VDAC3: variants seen among roughly 807,000 people sequenced by gnomAD.
VDAC3 encodes the protein voltage dependent anion channel 3, also known as non-selective voltage-gated ion channel VDAC3.
In VDAC3, 7 loss-of-function variants were observed where a neutral mutation model predicts 33.9. The observed-to-expected ratio is 0.21, with a 90% CI of 0.12 to 0.39. The LOEUF (loss-of-function observed/expected upper bound fraction) is 0.39, where lower values mean the gene tolerates loss of function less well. Among genes scored for constraint, VDAC3 ranks in the 10% least tolerant of loss-of-function variants. The pLI is 1.00. For missense variants in VDAC3, 261 were observed against 334.5 expected, an observed-to-expected ratio of 0.78 and a Z score of 1.71; for synonymous variants, 100 against 122.4, an observed-to-expected ratio of 0.82 and a Z score of 1.21.
intron 8 of VDAC3, among the ~76,000 whole-genome samples, chr8:42,403,742 A>G (rs929640869): frequency 2.0e-5 from 3 of 152,050 alleles, no homozygotes; most frequent in Non-Finnish European, 2.9e-5. Flanking sequence ...TGGGCGTGGT[A>G]GGTGACGCCT....
At position 42,405,604 on chromosome 8, in the gene VDAC3, G is replaced by A; in HGVS notation, c.*142G>A. The A allele has an allele frequency of 1.4e-6, 1 of 692,274 alleles. No homozygotes were observed. Among genetic ancestry groups the A allele is most frequent in the Non-Finnish European group, 2.4e-6 (1 of 411,630 alleles). The allele number at this position is 692,274 out of a possible 1,614,324, so 42.9% of individuals were successfully genotyped here. ...AAAGAATTGTAATCCTCCCCACACT[G>A]AAGTCTAGGGGTTGCGAATCCCTCC... is the stretch of plus-strand genomic sequence containing the variant. On this transcript the variant is annotated 3_prime_UTR_variant, in exon 10 of 10. Transcript: ENST00000022615.
At chr8:42,402,806 A>T (rs1042574554) in intron 7 of VDAC3, among the ~76,000 whole-genome samples, 2 of 152,230 alleles carry the variant, frequency 1.3e-5, no homozygotes, top group Non-Finnish European at 2.9e-5. Flanking sequence ...CACCTCTGGC[A>T]TGCTTGGAAG....
At chr8:42,398,503 C>T (rs751512566) in intron 4 of VDAC3, among the ~76,000 whole-genome samples, 3 of 152,148 alleles carry the variant, frequency 2.0e-5, no homozygotes, top group African/African-American at 7.2e-5. Context: ...GCTGGGATTA[C>T]AGGCATGAGC....
intron 4 of VDAC3, 97 bp downstream of exon 4, chr8:42,395,230 C>A: frequency 6.5e-7 from 1 of 1,534,432 alleles, no homozygotes; most frequent in Non-Finnish European, 8.8e-7. Context: ...CAGCACCATG[C>A]TGTCTTCCCC....
chr8:42,396,685 GA>G (rs770745663), intron 4 of VDAC3: 11 of 688,264 alleles, frequency 1.6e-5, no homozygotes, highest in East Asian at 5.4e-5. Context: ...CAGATGGTAA[GA>G]AAAAAAAGCT....
intron 4 of VDAC3, among the ~76,000 whole-genome samples, 192 bp from the exon 5 acceptor site, chr8:42,398,520 G>A (rs1044864352): frequency 6.6e-6 from 1 of 152,086 alleles, no homozygotes; most frequent in Non-Finnish European, 1.5e-5. Flanking sequence ...GAGCCACTGC[G>A]CCTGGCAGAA....
intron 6 of VDAC3, 94 bp downstream of exon 6, chr8:42,399,797 A>C: frequency 8.4e-7 from 1 of 1,194,668 alleles, no homozygotes; most frequent in Non-Finnish European, 1.2e-6. Flanking sequence ...GTTCAGAGGC[A>C]GGAAGAACTC....
chr8:42,401,853 A>C lies in VDAC3; in HGVS notation c.389A>C (p.Asp130Ala). The C allele has an allele frequency of 1.2e-6, 2 of 1,614,180 alleles. No homozygotes were observed. Among genetic ancestry groups the C allele is most frequent in the Non-Finnish European group, 1.7e-6 (2 of 1,180,042 alleles). Reference protein sequence around the residue: ...RDCFSVGSNVDIDFSGPTIYG... With the variant: ...RDCFSVGSNVAIDFSGPTIYG... ...TGTTTTAGTGTTGGCAGTAATGTTG[A>C]TATAGATTTTTCTGGACCAACCATC... The change falls in exon 7 of 10, where the codon GAT becomes GCT. Residue 130 changes from aspartate to alanine, a missense_variant. Coordinates refer to ENST00000022615, the MANE Select transcript of VDAC3 (RefSeq NM_005662.7).
chr8:42,402,095 G>A, intron 7 of VDAC3, 80 bp downstream of exon 7: 1 of 1,400,804 alleles, frequency 7.1e-7, no homozygotes, highest in East Asian at 2.4e-5. Context: ...AGAAGTGATG[G>A]TACTCAGATT....
At chr8:42,401,452 C>T (rs1802413643) in intron 6 of VDAC3, among the ~76,000 whole-genome samples, 1 of 152,226 alleles carries the variant, frequency 6.6e-6, no homozygotes, top group Non-Finnish European at 1.5e-5. Context: ...ACCTTGGCCT[C>T]CCAAAGTGCT....
intron 4 of VDAC3, chr8:42,397,457 A>C (rs1006608476): frequency 4.6e-5 from 7 of 152,222 alleles, no homozygotes; most frequent in African/African-American, 1.4e-4. Context: ...AAGACTGGTC[A>C]GGGTTGGCAG....
intron 5 of VDAC3, among the ~76,000 whole-genome samples, chr8:42,399,128 G>A (rs1802371691): frequency 1.3e-5 from 2 of 151,878 alleles, no homozygotes. Context: ...AACTATTTGC[G>A]GAAATTTGGT....
Position 42,405,553 on chromosome 8 carries a change from C to A in VDAC3, c.*91C>A. The A allele has an allele frequency of 8.9e-7, 1 of 1,123,068 alleles. No homozygotes were observed. Among genetic ancestry groups the A allele is most frequent in the Non-Finnish European group, 1.3e-6 (1 of 759,394 alleles). The allele number at this position is 1,123,068 out of a possible 1,614,324, so 69.6% of individuals were successfully genotyped here. A position where few individuals can be genotyped will look rare whatever the true frequency, so the allele number is the denominator to read the frequency against. ...GCCTTAAAATTCTTCTGTGAAATTT[C>A]AAAAGTGTGAACTTTTTATTCTTCC... On this transcript the variant is annotated 3_prime_UTR_variant, in exon 10 of 10. Transcript: ENST00000022615.
chr8:42,399,369 A>T (rs1802375733), intron 5 of VDAC3, among the ~76,000 whole-genome samples: 1 of 152,178 alleles, frequency 6.6e-6, no homozygotes, highest in African/African-American at 2.4e-5. Context: ...AGAGAGTATC[A>T]AGATGATTTT....
chr8:42,405,229 A>C, intron 9 of VDAC3, 142 bp from the exon 10 acceptor site: 3 of 690,190 alleles, frequency 4.3e-6, no homozygotes, highest in Non-Finnish European at 4.9e-6. Flanking sequence ...AGTTATAAAT[A>C]ACCGATTGAG....
chr8:42,394,618 A>G (rs753724255), intron 3 of VDAC3, among the ~76,000 whole-genome samples: 1 of 152,172 alleles, frequency 6.6e-6, no homozygotes, highest in Non-Finnish European at 1.5e-5. Flanking sequence ...AAACAGTGGC[A>G]TTGTTTTTAT....
At chr8:42,403,603 GC>G in intron 8 of VDAC3, 142 bp downstream of exon 8, 1 of 982,238 alleles carries the variant, frequency 1.0e-6, no homozygotes, top group Admixed American at 3.3e-5. Flanking sequence ...ATATAATGTG[GC>G]CAGGCTCACG....
intron 4 of VDAC3, among the ~76,000 whole-genome samples, chr8:42,395,977 G>A (rs1404721966): frequency 1.4e-5 from 2 of 145,660 alleles, no homozygotes; most frequent in African/African-American, 2.6e-5. Context: ...AAAAAAAAAG[G>A]CCAGGTGCGG....
chr8:42,405,624 C>T lies in VDAC3; in HGVS notation c.*162C>T, dbSNP rs1264067927. ...ACACTGAAGTCTAGGGGTTGCGAAT[C>T]CCTCCTGAGGGAGATGCTTGAAGGC... On this transcript the variant is annotated 3_prime_UTR_variant, in exon 10 of 10. Transcript: ENST00000022615. 3.3e-6 allele frequency: 2 copies of T among 606,010 alleles called. No homozygotes were observed. Among genetic ancestry groups the T allele is most frequent in the Non-Finnish European group, 5.8e-6 (2 of 345,012 alleles). The allele number at this position is 606,010 out of a possible 1,614,324, so 37.5% of individuals were successfully genotyped here.
Sources: allele counts gnomAD v4.1 joint callset (sites outside exome capture counted in the v4.1 genomes callset), GRCh38; gene constraint gnomAD v4.1.1; transcripts MANE v1.5; gene names NCBI Gene and HGNC (gene_info 2026-07-23, HGNC 2026-07-21).